SMARCA2: variants seen among roughly 807,000 people sequenced by gnomAD.
SMARCA2 encodes the protein SWI/SNF-related matrix-associated actin-dependent regulator of chromatin subfamily A member 2.
A neutral mutation model predicts 199.8 loss-of-function variants in SMARCA2; 61 were observed. The ratio of observed to expected loss-of-function variants is 0.31; its 90% CI spans 0.25 to 0.38. The LOEUF (loss-of-function observed/expected upper bound fraction) is 0.38. SMARCA2 is among the 10% of genes least tolerant of loss of function. The pLI, the probability that SMARCA2 is intolerant of heterozygous loss-of-function variation, is 1.00. For synonymous variants in SMARCA2, 935 were observed against 732.0 expected (o/e 1.28, Z -4.48); for missense variants, 1,344 against 2,012.2 (o/e 0.67, Z 6.35).
At chr9:2,128,237 A>G (rs915089267) in intron 27 of SMARCA2, among the ~76,000 whole-genome samples, 1 of 152,206 alleles carries the variant, frequency 6.6e-6, no homozygotes, top group African/African-American at 2.4e-5. Context: ...CACTGATCTC[A>G]GCATATAGCT....
intron 22 of SMARCA2, among the ~76,000 whole-genome samples, chr9:2,102,783 C>T (rs770592795): frequency 6.6e-6 from 1 of 152,056 alleles, no homozygotes; most frequent in African/African-American, 2.4e-5. Context: ...TAAAAAGGTA[C>T]GCCAGACCTC....
At chr9:2,189,848 A>G (rs1336702321) in intron 32 of SMARCA2, among the ~76,000 whole-genome samples, 1 of 152,114 alleles carries the variant, frequency 6.6e-6, no homozygotes, top group Non-Finnish European at 1.5e-5. Context: ...TTTCTGTGGG[A>G]GATTTTAGTT....
At chr9:2,078,260 T>G (rs890494666) in intron 14 of SMARCA2, among the ~76,000 whole-genome samples, 3 of 151,834 alleles carry the variant, frequency 2.0e-5, no homozygotes, top group Non-Finnish European at 4.4e-5. Flanking sequence ...TCACTTGAGG[T>G]CAGGAGCTCG....
chr9:2,020,050 G>A (rs532006547), intron 1 of SMARCA2, among the ~76,000 whole-genome samples: 2 of 152,248 alleles, frequency 1.3e-5, no homozygotes, highest in East Asian at 3.9e-4. Context: ...TTTAAGATTT[G>A]ATTCTGTTTC....
chr9:2,143,905 C>T (rs1002879398), intron 27 of SMARCA2, among the ~76,000 whole-genome samples: 10 of 152,166 alleles, frequency 6.6e-5, no homozygotes, highest in African/African-American at 2.4e-4. Flanking sequence ...CCCCCTTTCC[C>T]CTCTGAAGGT....
chr9:2,050,888 C>T (rs1260786251), intron 5 of SMARCA2, among the ~76,000 whole-genome samples: 1 of 152,210 alleles, frequency 6.6e-6, no homozygotes, highest in Non-Finnish European at 1.5e-5. Context: ...CTTGCCAGAA[C>T]AGTAACCCCT....
At chr9:2,097,542 A>T in intron 21 of SMARCA2, 71 bp downstream of exon 21, 1 of 959,278 alleles carries the variant, frequency 1.0e-6, no homozygotes. Flanking sequence ...AAAAACAAAC[A>T]AACAGGAAAA....
At chr9:2,146,465 C>T (rs753722091) in intron 27 of SMARCA2, among the ~76,000 whole-genome samples, 4 of 152,076 alleles carry the variant, frequency 2.6e-5, no homozygotes, top group African/African-American at 4.8e-5. Flanking sequence ...GCCTTTGGAT[C>T]GGGGGTTTCC....
chr9:2,091,852 A>G (rs1383368378), intron 19 of SMARCA2, among the ~76,000 whole-genome samples: 2 of 152,178 alleles, frequency 1.3e-5, no homozygotes, highest in East Asian at 1.9e-4. Context: ...AATGTCTAAT[A>G]TTGTTGAGCA....
At chr9:2,094,227 T>C (rs1042332207) in intron 19 of SMARCA2, among the ~76,000 whole-genome samples, 7 of 152,216 alleles carry the variant, frequency 4.6e-5, no homozygotes, top group African/African-American at 1.7e-4. Context: ...TGATTTTTGA[T>C]CCTGTGTATT....
intron 27 of SMARCA2, among the ~76,000 whole-genome samples, chr9:2,156,329 G>A (rs1825356571): frequency 1.4e-5 from 2 of 139,956 alleles, no homozygotes; most frequent in Non-Finnish European, 1.6e-5. Flanking sequence ...TTGGGGTTAA[G>A]TTGTTCCTTA....
chr9:2,138,753 A>T (rs1031170144), intron 27 of SMARCA2, among the ~76,000 whole-genome samples: 2 of 152,130 alleles, frequency 1.3e-5, no homozygotes, highest in South Asian at 4.1e-4. Context: ...AAATGGGGAA[A>T]GGGGTAGGGA....
intron 27 of SMARCA2, among the ~76,000 whole-genome samples, chr9:2,151,501 G>A (rs933886380): frequency 5.9e-5 from 9 of 151,768 alleles, no homozygotes; most frequent in Non-Finnish European, 7.4e-5. Flanking sequence ...GGAGGATGAG[G>A]CAGGTGGATC....
rs1821586525 is a variant in SMARCA2 at position 2,082,037 on chromosome 9, T to C, written c.2348+42T>C. The C allele has an allele frequency of 5.8e-6, 9 of 1,540,224 alleles. No individual in the cohort carries two copies. The Admixed American group carries it at 1.6e-4, about 27-fold the overall frequency. ...ATTCCACAGTCATCGTTCTGTATGT[T>C]GTAGAGTGCCCGATTAGTAGCTTGT... On this transcript the variant is annotated intron_variant, in intron 15 of 33. Coordinates refer to ENST00000349721, the MANE Select transcript of SMARCA2 (RefSeq NM_003070.5).
In SMARCA2 at chr9:2,077,689, G is replaced by C; in HGVS notation, c.2097G>C (p.Gln699His). ...YSMQYSARGS[Q>H]SYYTVAHAIS... Reference sequence around the variant, plus strand: ...TGCAGTACAGTGCCAGGGGCTCCCAGTCCTACTACACCGTGGCTCATGCCA... The same window carrying C: ...TGCAGTACAGTGCCAGGGGCTCCCACTCCTACTACACCGTGGCTCATGCCA... Residue 699 changes from glutamine to histidine, a missense_variant, in exon 14 of 34, where the codon CAG becomes CAC. By Grantham distance (24) the Gln-to-His change is conservative (BLOSUM62 0). Coordinates refer to ENST00000349721, the MANE Select transcript of SMARCA2 (RefSeq NM_003070.5). The C allele has an allele frequency of 6.2e-7, 1 of 1,614,102 alleles. No homozygotes were observed. Among genetic ancestry groups the C allele is most frequent in the Non-Finnish European group, 8.5e-7 (1 of 1,179,966 alleles).
At chr9:2,112,802 G>A (rs1027480364) in intron 24 of SMARCA2, among the ~76,000 whole-genome samples, 1 of 152,158 alleles carries the variant, frequency 6.6e-6, no homozygotes, top group Non-Finnish European at 1.5e-5. Context: ...TGATTTTATA[G>A]TGATAAAGAT....
chr9:2,089,276 ATTAG>A (rs1167325770), intron 19 of SMARCA2, among the ~76,000 whole-genome samples: 1 of 152,274 alleles, frequency 6.6e-6, no homozygotes, highest in East Asian at 1.9e-4. Flanking sequence ...GGATGTGAGT[ATTAG>A]TTTAATATGT....
At chr9:2,032,890 A>G in intron 2 of SMARCA2, 62 bp from the exon 3 acceptor site, 3 of 1,510,670 alleles carry the variant, frequency 2.0e-6, no homozygotes, top group Non-Finnish European at 2.7e-6. Flanking sequence ...GGGTCTGAAA[A>G]CTCCAAATAG....
intron 27 of SMARCA2, among the ~76,000 whole-genome samples, chr9:2,156,335 C>T (rs1825356946): frequency 1.6e-5 from 2 of 124,466 alleles, no homozygotes; most frequent in South Asian, 5.2e-4. Context: ...TTAAGTTGTT[C>T]CTTAATTTAG....
Sources: gnomAD v4.1 joint callset for allele counts (sites outside exome capture counted in the v4.1 genomes callset) on GRCh38, gnomAD v4.1.1 for gene constraint, MANE v1.5 for transcripts, NCBI Gene and HGNC (gene_info 2026-07-23, HGNC 2026-07-21) for gene names.